SEC24B: variants seen among roughly 807,000 people sequenced by gnomAD.
SEC24B encodes the protein SEC24 homolog B, COPII component.
A neutral mutation model predicts 142.8 loss-of-function variants in SEC24B; 45 were observed. That is an observed-to-expected ratio of 0.32 (90% confidence interval 0.25 to 0.40). The LOEUF is 0.40. Among genes scored for constraint, SEC24B ranks in the 10% least tolerant of loss-of-function variants. The pLI, the probability that SEC24B is intolerant of heterozygous loss-of-function variation, is 1.00. For missense variants in SEC24B, 1,409 were observed against 1,526.8 expected (o/e 0.92, Z 1.29); for synonymous variants, 574 against 568.2 (o/e 1.01, Z -0.15).
chr4:109,463,097 A>G lies in SEC24B; in HGVS notation c.330A>G (p.Gln110=). The change falls in exon 2 of 24, where the codon CAA becomes CAG. Residue 110 remains glutamine (Q), a synonymous_variant. Coordinates refer to ENST00000265175, the MANE Select transcript of SEC24B (RefSeq NM_006323.5). The stretch of plus-strand genomic sequence containing the variant: ...TGACTCCTAACACAGTGAACCAGCA[A>G]CCAGGAGCACAGCAGTTGTACAGCA... ...QNVTPNTVNQ[Q]PGAQQLYSRG... The G allele has an allele frequency of 1.2e-6, 2 of 1,614,192 alleles. No homozygotes were observed. The highest frequency in any genetic ancestry group is 1.7e-6 in the Non-Finnish European group (2 of 1,180,030).
chr4:109,518,254 C>T (rs1419860263), intron 11 of SEC24B, among the ~76,000 whole-genome samples: 1 of 152,130 alleles, frequency 6.6e-6, no homozygotes, highest in Non-Finnish European at 1.5e-5. Context: ...CAAGATTAGT[C>T]ATGAAGGAGC....
rs369093230 is a variant in SEC24B at position 109,486,319 on chromosome 4, A to C, written c.1165+4538A>C. On this transcript the variant is annotated intron_variant, in intron 4 of 23. Transcript: ENST00000265175. ...TTGTGCAGGTTATGAGGAAATCTCA[A>C]ATTATCTGGCTAATTTCAAGTTTAG... Among the ~76,000 whole-genome samples the C allele has an allele frequency of 5.3e-5, 8 of 152,230 alleles. No homozygotes were observed. In the East Asian group the frequency reaches 1.5e-3, roughly 29 times the overall value.
rs149803550 is a variant in SEC24B at position 109,480,950 on chromosome 4, C to A, written c.1061-727C>A. The stretch of plus-strand genomic sequence containing the variant: ...TTTATTGTGCCCTTTTCTACAGAAT[C>A]TGCCTTCTGTTGGTATATTTCACAC... On this transcript the variant is annotated intron_variant, in intron 3 of 23. Coordinates refer to ENST00000265175, the MANE Select transcript of SEC24B (RefSeq NM_006323.5). 5.9e-3 allele frequency among the ~76,000 whole-genome samples: 899 copies of A among 152,268 alleles called. 9 individuals carry two copies. Among genetic ancestry groups the A allele is most frequent in the Middle Eastern group, 0.01 (3 of 294 alleles).
intron 11 of SEC24B, among the ~76,000 whole-genome samples, chr4:109,517,474 C>A (rs1296045577): frequency 1.3e-5 from 2 of 151,996 alleles, no homozygotes; most frequent in African/African-American, 4.8e-5. Flanking sequence ...TTTGAGAGAT[C>A]CTAGCCAAAG....
chr4:109,443,434 A>T (rs1285159337), intron 1 of SEC24B, among the ~76,000 whole-genome samples: 1 of 151,962 alleles, frequency 6.6e-6, no homozygotes, highest in Non-Finnish European at 1.5e-5. Context: ...TAGAGACGAG[A>T]TCTCACTGTG....
intron 14 of SEC24B, among the ~76,000 whole-genome samples, chr4:109,522,563 G>T (rs1156248408): frequency 6.6e-6 from 1 of 152,178 alleles, no homozygotes; most frequent in Non-Finnish European, 1.5e-5. Flanking sequence ...TACGTAAGTG[G>T]TAAAACTTAC....
rs2125881864 is a variant in SEC24B, at chr4:109,433,885, G to C, written c.16G>C (p.Gly6Arg). ...CAGCGCCGTCATGTCGGCCCCCGCC[G>C]GGTCCTCTCACCCGGCCGCCAGCGC... Reference protein sequence around the residue: MSAPAGSSHPAASARI... With the variant: MSAPARSSHPAASARI... Residue 6 changes from glycine to arginine, a missense_variant, in exon 1 of 24, where the codon GGG becomes CGG. Coordinates refer to ENST00000265175, the MANE Select transcript of SEC24B (RefSeq NM_006323.5). 1 of 1,343,436 alleles carries C rather than the reference G, an allele frequency of 7.4e-7. No individual in the cohort carries two copies. The highest frequency in any genetic ancestry group is 3.2e-5 in the East Asian group (1 of 31,248). 83.2% of individuals were successfully genotyped at this position (1,343,436 alleles called of 1,614,324 possible).
intron 1 of SEC24B, among the ~76,000 whole-genome samples, chr4:109,461,173 A>G (rs1731218384): frequency 6.6e-6 from 1 of 152,206 alleles, no homozygotes; most frequent in African/African-American, 2.4e-5. Flanking sequence ...TCTCAGCATC[A>G]TTCAAAGTTA....
chr4:109,476,247 A>G (rs1733125919), intron 3 of SEC24B, among the ~76,000 whole-genome samples: 1 of 152,172 alleles, frequency 6.6e-6, no homozygotes, highest in Admixed American at 6.5e-5. Context: ...TAGGCCTCCC[A>G]AAGTGTTAGG....
At chr4:109,489,027 C>T (rs565087819) in intron 4 of SEC24B, among the ~76,000 whole-genome samples, 11 of 152,100 alleles carry the variant, frequency 7.2e-5, no homozygotes, top group Non-Finnish European at 1.6e-4. Flanking sequence ...ATATGATTTG[C>T]AAATATTTAC....
intron 6 of SEC24B, among the ~76,000 whole-genome samples, chr4:109,505,581 A>G (rs1458004737): frequency 6.6e-6 from 1 of 152,140 alleles, no homozygotes; most frequent in Admixed American, 6.5e-5. Context: ...TTCCATCTTT[A>G]CCTGTTGCCA....
intron 2 of SEC24B, among the ~76,000 whole-genome samples, chr4:109,467,381 A>T (rs1022267207): frequency 6.6e-6 from 1 of 151,704 alleles, no homozygotes; most frequent in Non-Finnish European, 1.5e-5. Context: ...TGAGTGTTAC[A>T]TTAGTTGTTA....
At position 109,530,391 on chromosome 4, in the gene SEC24B, T is replaced by C; in HGVS notation, c.3179T>C (p.Leu1060Ser). The C allele has an allele frequency of 6.2e-7, 1 of 1,614,184 alleles. No homozygotes were observed. The highest frequency in any genetic ancestry group is 8.5e-7 in the Non-Finnish European group (1 of 1,180,022). The change falls in exon 19 of 24, where the codon TTA (leucine) becomes TCA (serine). Residue 1060 changes from leucine to serine, a missense_variant. Around this residue, in one of 2 missense-constraint regions of SEC24B, gnomAD observed 700 missense variants for 853.3 expected, o/e 0.82. Coordinates refer to ENST00000265175, the MANE Select transcript of SEC24B (RefSeq NM_006323.5). ...GCATATGGCTCAACTGTCTCAAATT[T>C]ACAGCACTCTGCATTGATGGCGCCC... Reference protein sequence around the residue: ...LSAYGSTVSNLQHSALMAPSS... With the variant: ...LSAYGSTVSNSQHSALMAPSS...
In SEC24B at chr4:109,463,333, C is replaced by T; in HGVS notation, c.566C>T (p.Ser189Phe). 6.2e-7 allele frequency: 1 copy of T among 1,614,222 alleles called. No homozygotes were observed. The highest frequency in any genetic ancestry group is 8.5e-7 in the Non-Finnish European group (1 of 1,180,042). The change falls in exon 2 of 24, where the codon TCT (serine) becomes TTT (phenylalanine). Residue 189 changes from serine to phenylalanine, a missense_variant. Physicochemically the swap from Ser to Phe is radical, Grantham distance 155. This residue lies in a region of SEC24B where 709 missense variants were observed against 673.5 expected (regional missense o/e 1.05). Transcript: ENST00000265175. ...GGTCATTATGCTATGTCAACTGTTT[C>T]TAATGCCGCGTATCCTAGTGTTTCA... ...TCGHYAMSTVSNAAYPSVSYP... is the reference protein window; with the variant it reads ...TCGHYAMSTVFNAAYPSVSYP...
At chr4:109,491,023 A>C (rs1019011439) in intron 4 of SEC24B, among the ~76,000 whole-genome samples, 1 of 151,888 alleles carries the variant, frequency 6.6e-6, no homozygotes, top group African/African-American at 2.4e-5. Context: ...CTATCAACCT[A>C]AAGTTTTTGT....
rs1223228419 is a variant in SEC24B at position 109,433,868 on chromosome 4, T to A, written c.-2T>A. 1.2e-5 allele frequency: 16 copies of A among 1,330,598 alleles called. No homozygotes were observed. In the Admixed American group the frequency reaches 3.6e-4, roughly 30 times the overall value. 82.4% of individuals were successfully genotyped at this position (1,330,598 alleles called of 1,614,324 possible). A position where few individuals can be genotyped will look rare whatever the true frequency, so the allele number is the denominator to read the frequency against. On this transcript the variant is annotated 5_prime_UTR_variant, in exon 1 of 24. Transcript: ENST00000265175. The stretch of plus-strand genomic sequence containing the variant: ...GGAGCCGCCGTCGCCACCAGCGCCG[T>A]CATGTCGGCCCCCGCCGGGTCCTCT...
intron 4 of SEC24B, 60 bp downstream of exon 4, chr4:109,481,841 C>A: frequency 7.7e-7 from 1 of 1,298,280 alleles, no homozygotes; most frequent in African/African-American, 1.5e-5. Flanking sequence ...CTTTTTGTTT[C>A]CACAGTCTTA....
At position 109,460,603 on chromosome 4, in the gene SEC24B, C is replaced by T. The variant is rs1422490386; in HGVS notation, c.134-2298C>T. ...GAGCCAGATTGCCTGATTCAAATTC[C>T]GGCCCATTTAGTTCCTAAGCATGTA... On this transcript the variant is annotated intron_variant, in intron 1 of 23. Transcript: ENST00000265175. 3.9e-5 allele frequency among the ~76,000 whole-genome samples: 6 copies of T among 151,966 alleles called. No homozygotes were observed. The East Asian group carries it at 5.8e-4, about 15-fold the overall frequency.
At chr4:109,480,482 CT>C (rs1346493150) in intron 3 of SEC24B, among the ~76,000 whole-genome samples, 1 of 150,858 alleles carries the variant, frequency 6.6e-6, no homozygotes, top group Non-Finnish European at 1.5e-5. Context: ...TTCTTTTTTC[CT>C]TTTCTTTTTC....
Sources: allele counts gnomAD v4.1 joint callset (sites outside exome capture counted in the v4.1 genomes callset), GRCh38; gene constraint gnomAD v4.1.1; regional missense constraint gnomAD v4.1.1; transcripts MANE v1.5; gene names NCBI Gene and HGNC (gene_info 2026-07-23, HGNC 2026-07-21).